The following SSBP4 variants were observed in gnomAD, a reference collection of about 807,000 sequenced individuals.
The protein encoded by SSBP4 is single-stranded DNA-binding protein 4.
SSBP4 carries 33 observed loss-of-function variants against 64.6 expected under a neutral mutation model. The observed-to-expected ratio is 0.51, with a 90% CI of 0.39 to 0.68. The LOEUF is 0.68. Ranked by LOEUF, SSBP4 falls within the 30% of genes least tolerant of loss-of-function variation. The pLI, the probability that SSBP4 is intolerant of heterozygous loss-of-function variation, is 0.00. For missense variants in SSBP4, 583 were observed against 566.8 expected, an observed-to-expected ratio of 1.03 and a Z score of -0.29; for synonymous variants, 243 against 224.0, an observed-to-expected ratio of 1.08 and a Z score of -0.76.
At chr19:18,418,024 C>G (rs1972194753), upstream of SSBP4, among the ~76,000 whole-genome samples, 1 of 152,202 alleles carries the variant, frequency 6.6e-6, no homozygotes, top group Admixed American at 6.5e-5. The surrounding 1 kb of genome is among the most constrained non-coding windows in gnomAD (Gnocchi z 6.7). Flanking sequence ...TCCTAGGGAG[C>G]TGGCGGCCCA....
chr19:18,410,315 G>A, the SSBP4 span, among the ~76,000 whole-genome samples: 1 of 151,134 alleles, frequency 6.6e-6, no homozygotes, highest in African/African-American at 2.4e-5. Context: ...TATTTTTAGT[G>A]AAGACAGGGT....
the SSBP4 span, among the ~76,000 whole-genome samples, chr19:18,408,192 G>A: frequency 2.6e-5 from 4 of 152,328 alleles, no homozygotes; most frequent in Non-Finnish European, 2.9e-5. Flanking sequence ...CGCTGACCAC[G>A]GGAGGCCACG....
chr19:18,409,575 G>A, the SSBP4 span, among the ~76,000 whole-genome samples: 2 of 152,060 alleles, frequency 1.3e-5, no homozygotes, highest in African/African-American at 4.8e-5. Context: ...GAGTCAAGGA[G>A]TCGGGAGAGT....
intron 5 of SSBP4, 149 bp downstream of exon 5, chr19:18,431,079 G>T (rs556806814): frequency 1.0e-6 from 1 of 967,714 alleles, no homozygotes; most frequent in East Asian, 2.6e-5. Flanking sequence ...GCCCAGGTGG[G>T]CCTTTCAGGG....
At position 18,427,437 on chromosome 19, in the gene SSBP4, T is replaced by C; in HGVS notation, c.132+14T>C. Reference sequence around the variant, plus strand: ...TTCCTGTCTGAGGTAAGCCACCACCTCCAGGCTGGCCCTCCCTCCTCACCC... The same window carrying C: ...TTCCTGTCTGAGGTAAGCCACCACCCCCAGGCTGGCCCTCCCTCCTCACCC... On this transcript the variant is annotated intron_variant, in intron 2 of 17. Transcript: ENST00000270061. The surrounding 1 kb of genome is among the most constrained non-coding windows in gnomAD (Gnocchi z 4.4). 6.2e-7 allele frequency: 1 copy of C among 1,607,890 alleles called. No individual in the cohort carries two copies.
Position 18,427,637 on chromosome 19 carries a change from C to A in SSBP4, c.133-115C>A. On this transcript the variant is annotated intron_variant, in intron 2 of 17. Coordinates refer to ENST00000270061, the MANE Select transcript of SSBP4 (RefSeq NM_032627.5). This position sits in a 1 kb window ranked among gnomAD's most constrained non-coding sequence, Gnocchi z 4.4. Reference sequence around the variant, plus strand: ...ACACATCCTGGGGCCCTCTGCCCACCCTGTTACCCTTCCCTCCCCACTCCC... The same window carrying A: ...ACACATCCTGGGGCCCTCTGCCCACACTGTTACCCTTCCCTCCCCACTCCC... 2 of 1,320,228 alleles carry A rather than the reference C, an allele frequency of 1.5e-6. No individual in the cohort carries two copies. Among genetic ancestry groups the A allele is most frequent in the Non-Finnish European group, 2.1e-6 (2 of 974,778 alleles). The allele number at this position is 1,320,228 out of a possible 1,614,324, so 81.8% of individuals were successfully genotyped here.
Position 18,433,300 on chromosome 19 carries a change from C to T in SSBP4, c.991+87C>T, listed in dbSNP as rs1374452913. 4 of 1,481,140 alleles carry T rather than the reference C, an allele frequency of 2.7e-6. No homozygotes were observed. The Admixed American group carries it at 8.3e-5, about 31-fold the overall frequency. 91.7% of individuals were successfully genotyped at this position (1,481,140 alleles called of 1,614,324 possible). A position where few individuals can be genotyped will look rare whatever the true frequency, so the allele number is the denominator to read the frequency against. ...TTCCCCCTGCCGTCAGCCCGCCTGC[C>T]GGGTGGAGGCGTCTAGTGGCGTCCT... is the stretch of plus-strand genomic sequence containing the variant. On this transcript the variant is annotated intron_variant, in intron 15 of 17. Transcript: ENST00000270061.
intron 6 of SSBP4, 50 bp from the exon 7 acceptor site, chr19:18,431,581 AGGAATGGGGTAGCTTT>A: frequency 6.6e-7 from 1 of 1,505,790 alleles, no homozygotes; most frequent in Non-Finnish European, 8.9e-7. Flanking sequence ...CCAGCATAGC[AGGAATGGGGTAGCTTT>A]GGGGACCAGA....
intron 10 of SSBP4, 66 bp from the exon 11 acceptor site, chr19:18,432,493 G>A: frequency 7.9e-6 from 12 of 1,515,372 alleles, no homozygotes; most frequent in Non-Finnish European, 9.8e-6. Context: ...GGTGTGGGGG[G>A]TGTGTGGTGA....
chr19:18,404,187 A>T, the SSBP4 span, among the ~76,000 whole-genome samples: 1 of 151,708 alleles, frequency 6.6e-6, no homozygotes, highest in South Asian at 2.1e-4. Flanking sequence ...CCTCAGAGAC[A>T]TTTAGAGACC....
chr19:18,422,113 A>G (rs544682756), intron 1 of SSBP4, among the ~76,000 whole-genome samples: 7 of 152,312 alleles, frequency 4.6e-5, no homozygotes, highest in Non-Finnish European at 1.5e-5. Flanking sequence ...GTGAGCTGAG[A>G]TCGTGCCACT....
the SSBP4 span, among the ~76,000 whole-genome samples, chr19:18,407,925 G>A: frequency 6.6e-6 from 1 of 151,810 alleles, no homozygotes; most frequent in Non-Finnish European, 1.5e-5. Flanking sequence ...CTATTTTTCT[G>A]GTAGAGACAG....
chr19:18,406,663 A>T, the SSBP4 span, among the ~76,000 whole-genome samples: 3 of 147,780 alleles, frequency 2.0e-5, no homozygotes, highest in Non-Finnish European at 3.0e-5. Context: ...AATATAAATT[A>T]AAAAAAAAAA....
the SSBP4 span, among the ~76,000 whole-genome samples, chr19:18,408,434 G>T: frequency 6.6e-6 from 1 of 151,956 alleles, no homozygotes; most frequent in African/African-American, 2.4e-5. Context: ...GAGGGCTTCT[G>T]GGATCACCTC....
In SSBP4 at chr19:18,427,176, G is replaced by C. The variant is rs529256032; in HGVS notation, c.60-175G>C. Among the ~76,000 whole-genome samples, 1 of 152,144 alleles carries C rather than the reference G, an allele frequency of 6.6e-6. No individual in the cohort carries two copies. Among genetic ancestry groups the C allele is most frequent in the African/African-American group, 2.4e-5 (1 of 41,422 alleles). On this transcript the variant is annotated intron_variant, in intron 1 of 17. Coordinates refer to ENST00000270061, the MANE Select transcript of SSBP4 (RefSeq NM_032627.5). The surrounding 1 kb of genome is among the most constrained non-coding windows in gnomAD (Gnocchi z 4.4). Reference sequence around the variant, plus strand: ...AGCCGAATTCGGCCCGGAATTGGGGGTCACGGATGCCTGGGAGGGGCCTGC... The same window carrying C: ...AGCCGAATTCGGCCCGGAATTGGGGCTCACGGATGCCTGGGAGGGGCCTGC...
At chr19:18,422,259 G>C (rs1972515369) in intron 1 of SSBP4, among the ~76,000 whole-genome samples, 1 of 152,172 alleles carries the variant, frequency 6.6e-6, no homozygotes, top group Admixed American at 6.5e-5. Flanking sequence ...GGGGTGGTAG[G>C]GTGAGGGGGT....
chr19:18,404,992 C>G, the SSBP4 span, among the ~76,000 whole-genome samples: 46 of 125,450 alleles, frequency 3.7e-4, no homozygotes, highest in Non-Finnish European at 5.6e-4. Context: ...GAGGCCCCCC[C>G]CCCCGCGAAA....
intron 4 of SSBP4, among the ~76,000 whole-genome samples, 194 bp from the exon 5 acceptor site, chr19:18,430,647 G>A (rs1973282948): frequency 6.6e-6 from 1 of 152,136 alleles, no homozygotes; most frequent in South Asian, 2.1e-4. Context: ...AGAAACGAGG[G>A]CGACACTGGA....
At chr19:18,414,404 A>G (rs1262874899), upstream of SSBP4, among the ~76,000 whole-genome samples, 1 of 151,780 alleles carries the variant, frequency 6.6e-6, no homozygotes, top group East Asian at 2.0e-4. Flanking sequence ...AGGTGGGAGG[A>G]TCACTTAAAC....
Sources: allele counts gnomAD v4.1 joint callset (sites outside exome capture counted in the v4.1 genomes callset), GRCh38; gene constraint gnomAD v4.1.1; non-coding constraint Gnocchi (gnomAD v3.1); transcripts MANE v1.5; gene names NCBI Gene and HGNC (gene_info 2026-07-23, HGNC 2026-07-21).